The following ARL15 variants were observed in gnomAD, a reference collection of about 807,000 sequenced individuals.
ARL15 encodes the protein ADP-ribosylation factor-like protein 15.
A neutral mutation model predicts 25.2 loss-of-function variants in ARL15; 19 were observed. The ratio of observed to expected loss-of-function variants is 0.75; its 90% CI spans 0.53 to 1.10. The LOEUF (loss-of-function observed/expected upper bound fraction) is 1.10. ARL15 is among the 50% of genes least tolerant of loss of function. The pLI is 0.00. For missense variants in ARL15, 220 were observed against 246.0 expected (o/e 0.89, Z 0.71); for synonymous variants, 94 against 86.8 (o/e 1.08, Z -0.46).
intron 1 of ARL15, among the ~76,000 whole-genome samples, chr5:54,192,805 G>A (rs1755444080): frequency 6.6e-6 from 1 of 152,084 alleles, no homozygotes; most frequent in Non-Finnish European, 1.5e-5. Context: ...TCAAGAGGGA[G>A]GAGGTAAGCA....
chr5:54,232,402 G>A (rs1434626678), intron 1 of ARL15, among the ~76,000 whole-genome samples: 1 of 152,168 alleles, frequency 6.6e-6, no homozygotes. Flanking sequence ...AGAAAAACAG[G>A]AAGGGAAGGA....
chr5:54,024,936 A>C (rs1297440202), intron 4 of ARL15, among the ~76,000 whole-genome samples: 2 of 152,340 alleles, frequency 1.3e-5, no homozygotes, highest in Non-Finnish European at 2.9e-5. Flanking sequence ...CATTTCATGA[A>C]GTGTTCAACA....
intron 4 of ARL15, among the ~76,000 whole-genome samples, chr5:54,000,133 A>G (rs1001654752): frequency 6.6e-6 from 1 of 152,166 alleles, no homozygotes; most frequent in Non-Finnish European, 1.5e-5. Context: ...GGATTCAAAG[A>G]ACACTCTTTT....
At chr5:54,255,032 A>G (rs900007464) in intron 1 of ARL15, among the ~76,000 whole-genome samples, 3 of 152,218 alleles carry the variant, frequency 2.0e-5, no homozygotes, top group Admixed American at 6.5e-5. Flanking sequence ...GTCTGGAAAC[A>G]TGGCACAGAG....
intron 2 of ARL15, among the ~76,000 whole-genome samples, chr5:54,162,006 CACACACACACACACACACAG>C (rs1434189528): frequency 7.5e-6 from 1 of 132,654 alleles, no homozygotes; most frequent in East Asian, 3.4e-4. Context: ...CATACACACA[CACACACACACACACACACAG>C]AGAGAGATAC....
At chr5:53,922,524 G>A (rs1405946052) in intron 4 of ARL15, among the ~76,000 whole-genome samples, 2 of 152,162 alleles carry the variant, frequency 1.3e-5, no homozygotes, top group African/African-American at 4.8e-5. Flanking sequence ...AGTATGTCAT[G>A]GACACTAACC....
chr5:54,010,976 G>A (rs988603563), intron 4 of ARL15, among the ~76,000 whole-genome samples: 36 of 149,788 alleles, frequency 2.4e-4, no homozygotes, highest in African/African-American at 8.7e-4. Flanking sequence ...CTCCAGCCCG[G>A]GCGACAGAGC....
intron 4 of ARL15, among the ~76,000 whole-genome samples, chr5:54,083,258 C>T (rs1219391398): frequency 2.0e-5 from 3 of 152,170 alleles, no homozygotes; most frequent in Admixed American, 1.3e-4. Flanking sequence ...CTCATATATT[C>T]TGTTGAGTGT....
intron 1 of ARL15, among the ~76,000 whole-genome samples, chr5:54,173,842 C>T (rs1189577850): frequency 6.6e-6 from 1 of 152,112 alleles, no homozygotes; most frequent in African/African-American, 2.4e-5. Flanking sequence ...GCTCACCAGC[C>T]TCATTGCCCT....
At chr5:54,003,786 G>A (rs532842444) in intron 4 of ARL15, among the ~76,000 whole-genome samples, 112 of 151,626 alleles carry the variant, frequency 7.4e-4, no homozygotes, top group South Asian at 6.2e-4. Flanking sequence ...TTTTAAAAAC[G>A]AAAAACAAAC....
chr5:53,983,500 C>T (rs907416215), intron 4 of ARL15, among the ~76,000 whole-genome samples: 3 of 152,138 alleles, frequency 2.0e-5, no homozygotes, highest in African/African-American at 7.2e-5. Context: ...CACTTTCAGC[C>T]TTCCATTCTC....
intron 4 of ARL15, among the ~76,000 whole-genome samples, chr5:53,928,816 T>C (rs945610264): frequency 3.3e-5 from 5 of 152,126 alleles, no homozygotes; most frequent in African/African-American, 9.7e-5. Context: ...CTTCCAGGTG[T>C]TTATACCACA....
At chr5:53,935,435 C>T (rs887635331) in intron 4 of ARL15, among the ~76,000 whole-genome samples, 13 of 152,162 alleles carry the variant, frequency 8.5e-5, no homozygotes, top group Admixed American at 7.2e-4. Flanking sequence ...CAAGCCTGTC[C>T]TCTTTAGAGG....
At chr5:54,303,812 G>C (rs1307878527) in intron 1 of ARL15, among the ~76,000 whole-genome samples, 1 of 152,080 alleles carries the variant, frequency 6.6e-6, no homozygotes, top group East Asian at 1.9e-4. Flanking sequence ...GGGGCAGGTA[G>C]GAATGTGCCC....
chr5:53,907,637 A>G (rs1204378904), intron 4 of ARL15, among the ~76,000 whole-genome samples: 1 of 149,584 alleles, frequency 6.7e-6, no homozygotes, highest in African/African-American at 2.5e-5. Context: ...AGCTGAGACT[A>G]CAGGCGCCCT....
intron 4 of ARL15, among the ~76,000 whole-genome samples, chr5:54,066,235 C>G (rs575286322): frequency 3.9e-5 from 6 of 152,052 alleles, no homozygotes; most frequent in African/African-American, 1.5e-4. Flanking sequence ...AGGCCTAAGC[C>G]CCCATTTGCC....
At chr5:54,191,702 T>A (rs1755405451) in intron 1 of ARL15, among the ~76,000 whole-genome samples, 1 of 152,032 alleles carries the variant, frequency 6.6e-6, no homozygotes, top group African/African-American at 2.4e-5. Flanking sequence ...ATATACAGAC[T>A]CCAACTACTT....
At chr5:54,257,869 T>C (rs1312215186) in intron 1 of ARL15, among the ~76,000 whole-genome samples, 1 of 152,132 alleles carries the variant, frequency 6.6e-6, no homozygotes, top group Non-Finnish European at 1.5e-5. Context: ...TTTTCAGAGC[T>C]GTCTATAAAC....
At chr5:54,139,745 T>C (rs898153581) in intron 3 of ARL15, among the ~76,000 whole-genome samples, 2 of 152,012 alleles carry the variant, frequency 1.3e-5, no homozygotes, top group African/African-American at 4.8e-5. Flanking sequence ...GGTGGGAGGA[T>C]CACTTGAGCC....
Sources: allele counts gnomAD v4.1 joint callset (sites outside exome capture counted in the v4.1 genomes callset), GRCh38; gene constraint gnomAD v4.1.1; transcripts MANE v1.5; gene names NCBI Gene and HGNC (gene_info 2026-07-23, HGNC 2026-07-21).